Variants in CPT1A observed in about 807,000 individuals in gnomAD.
The protein encoded by CPT1A is carnitine O-palmitoyltransferase 1, liver isoform.
A neutral mutation model predicts 100.8 loss-of-function variants in CPT1A; 64 were observed. The observed-to-expected ratio is 0.63, with a 90% CI of 0.52 to 0.78. CPT1A has a LOEUF of 0.78. Among genes scored for constraint, CPT1A ranks in the 30% least tolerant of loss-of-function variants. The pLI is 0.00. For missense variants in CPT1A, 802 were observed against 1,034.1 expected, an observed-to-expected ratio of 0.78 and a Z score of 3.08; for synonymous variants, 363 against 396.0, an observed-to-expected ratio of 0.92 and a Z score of 0.99.
Position 68,775,363 on chromosome 11 carries a change from G to T in CPT1A, c.1528C>A (p.Pro510Thr), listed in dbSNP as rs1279443212. The change falls in exon 13 of 19, where the codon CCG becomes ACG. Residue 510 changes from proline to threonine, a missense_variant. This residue lies in a region of CPT1A where 627 missense variants were observed against 799.3 expected (regional missense o/e 0.78). Transcript: ENST00000265641. ...EDGHCKGDIN[P>T]NIPYPTRLQW... The stretch of plus-strand genomic sequence containing the variant: ...AGCCTGGTGGGGTACGGAATGTTCG[G>T]ATTGATGTCGCCTTTGCAGTGCCCA... 6.2e-7 allele frequency: 1 copy of T among 1,614,234 alleles called. No homozygotes were observed. The highest frequency in any genetic ancestry group is 1.7e-5 in the Admixed American group (1 of 60,020).
intron 9 of CPT1A, among the ~76,000 whole-genome samples, chr11:68,786,986 A>G (rs1407581163): frequency 1.3e-5 from 2 of 152,240 alleles, no homozygotes; most frequent in African/African-American, 2.4e-5. Context: ...GACTATGTAT[A>G]TTCCACATTA....
intron 14 of CPT1A, among the ~76,000 whole-genome samples, chr11:68,770,072 A>AG (rs1854945134): frequency 6.6e-6 from 1 of 150,590 alleles, no homozygotes; most frequent in East Asian, 2.0e-4. Flanking sequence ...AAAAAAAAAA[A>AG]CAGTGTGAAC....
chr11:68,794,470 G>A (rs1296507129), intron 8 of CPT1A, among the ~76,000 whole-genome samples: 3 of 152,170 alleles, frequency 2.0e-5, no homozygotes, highest in Non-Finnish European at 2.9e-5. Context: ...GAGTGCAATG[G>A]TGTTATCTTG....
chr11:68,835,155 G>C lies in CPT1A; in HGVS notation c.-14+6620C>G, dbSNP rs182195321. On this transcript the variant is annotated intron_variant, in intron 1 of 18. Transcript: ENST00000265641. Reference sequence around the variant, plus strand: ...TTATAAAGAAGATAGCCAACGTATTGACAGACCCAGTTATCTGACCTAGCT... The same window carrying C: ...TTATAAAGAAGATAGCCAACGTATTCACAGACCCAGTTATCTGACCTAGCT... Among the ~76,000 whole-genome samples the C allele has an allele frequency of 3.3e-5, 5 of 152,298 alleles. No individual in the cohort carries two copies. The East Asian group carries it at 9.6e-4, about 29-fold the overall frequency.
chr11:68,803,963 G>T, intron 5 of CPT1A, 37 bp downstream of exon 5: 1 of 1,489,772 alleles, frequency 6.7e-7, no homozygotes, highest in Non-Finnish European at 9.4e-7. Context: ...ATCCACAGAT[G>T]GCTGGCATTT....
intron 1 of CPT1A, among the ~76,000 whole-genome samples, chr11:68,824,074 C>A (rs1294700789): frequency 1.3e-5 from 2 of 151,810 alleles, no homozygotes; most frequent in African/African-American, 2.4e-5. Context: ...TGGTGAAACC[C>A]CATCTCTACT....
chr11:68,766,431 A>C (rs902389337), intron 14 of CPT1A, among the ~76,000 whole-genome samples: 3 of 152,166 alleles, frequency 2.0e-5, no homozygotes, highest in Non-Finnish European at 2.9e-5. Context: ...TTTTTGAATG[A>C]ATAAATCTGA....
intron 1 of CPT1A, among the ~76,000 whole-genome samples, chr11:68,822,906 T>C (rs923758568): frequency 1.3e-5 from 2 of 152,112 alleles, no homozygotes; most frequent in African/African-American, 4.8e-5. Context: ...GAAAGTACAC[T>C]AGTGGTTGCC....
chr11:68,764,525 G>C (rs1854727989), intron 14 of CPT1A, among the ~76,000 whole-genome samples: 1 of 152,050 alleles, frequency 6.6e-6, no homozygotes. Context: ...CTCAGCTGGG[G>C]AACGGGGAGC....
chr11:68,815,325 T>G lies in CPT1A; in HGVS notation c.141+9A>C. ...CATACTGTGTAGATTTCAACAAATC[T>G]CAGAAAACCTTGAATCTGATGAACT... On this transcript the variant is annotated intron_variant, in intron 2 of 18. Transcript: ENST00000265641. 6.2e-7 allele frequency: 1 copy of G among 1,612,762 alleles called. No homozygotes were observed. Among genetic ancestry groups the G allele is most frequent in the African/African-American group, 1.3e-5 (1 of 74,584 alleles).
intron 4 of CPT1A, 56 bp downstream of exon 4, chr11:68,807,408 CCTT>C: frequency 6.5e-7 from 1 of 1,548,886 alleles, no homozygotes; most frequent in Non-Finnish European, 8.8e-7. Context: ...GCAGGGGTGT[CCTT>C]CTTCCCAAAG....
chr11:68,822,574 G>C (rs1043947374), intron 1 of CPT1A, among the ~76,000 whole-genome samples: 2 of 151,530 alleles, frequency 1.3e-5, no homozygotes, highest in Non-Finnish European at 2.9e-5. Context: ...CTTACCATAC[G>C]ACCCAGCAAT....
In CPT1A at chr11:68,757,667, G is replaced by A. The variant is rs1445766162; in HGVS notation, c.2299C>T (p.Leu767Phe). Residue 767 changes from leucine (L) to phenylalanine (F), a missense_variant, in exon 19 of 19, where the codon CTC becomes TTC. Leu to Phe is a conservative substitution (Grantham distance 22). Around this residue, in one of 4 missense-constraint regions of CPT1A, gnomAD observed 627 missense variants for 799.3 expected, o/e 0.78. Coordinates refer to ENST00000265641, the MANE Select transcript of CPT1A (RefSeq NM_001876.4). Reference sequence around the variant, plus strand: ...AATTACTTTTTGGAATTAGAACTGAGACCAAACAAAGTGATGATGTCAGTC... The same window carrying A: ...AATTACTTTTTGGAATTAGAACTGAAACCAAACAAAGTGATGATGTCAGTC... ...AMTDIITLFG[L>F]SSNSKK is the part of the protein sequence containing the mutation. The A allele has an allele frequency of 1.2e-6, 2 of 1,614,062 alleles. No individual in the cohort carries two copies. Among genetic ancestry groups the A allele is most frequent in the East Asian group, 2.2e-5 (1 of 44,890 alleles).
chr11:68,782,403 T>C (rs1406208077), intron 10 of CPT1A, among the ~76,000 whole-genome samples: 1 of 152,164 alleles, frequency 6.6e-6, no homozygotes, highest in Admixed American at 6.5e-5. Context: ...TGTACCAACT[T>C]ACTGATCTTC....
intron 1 of CPT1A, among the ~76,000 whole-genome samples, chr11:68,831,181 C>A (rs186804607): frequency 6.6e-6 from 1 of 152,284 alleles, no homozygotes; most frequent in East Asian, 1.9e-4. Flanking sequence ...TCACCTCTTT[C>A]GAAGTCATTG....
intron 4 of CPT1A, among the ~76,000 whole-genome samples, chr11:68,805,958 GA>G (rs1328564090): frequency 2.6e-5 from 4 of 151,946 alleles, no homozygotes; most frequent in African/African-American, 9.7e-5. Flanking sequence ...CGGAGGCCTC[GA>G]AAGTCCAGAG....
chr11:68,780,531 G>T (rs908433804), intron 12 of CPT1A, 109 bp downstream of exon 12: 3 of 885,052 alleles, frequency 3.4e-6, no homozygotes, highest in African/African-American at 1.7e-5. Context: ...TGATCTGCCC[G>T]CCTCGGCCTC....
In CPT1A at chr11:68,799,051, C is replaced by T. The variant is rs150565058; in HGVS notation, c.693+167G>A. On this transcript the variant is annotated intron_variant, in intron 6 of 18. Coordinates refer to ENST00000265641, the MANE Select transcript of CPT1A (RefSeq NM_001876.4). The stretch of plus-strand genomic sequence containing the variant: ...CACTGTAACTACACGTCAGTCCTAA[C>T]ACACACACACTCCACTCTGCACAGA... Among the ~76,000 whole-genome samples, 111 of 152,234 alleles carry T rather than the reference C, an allele frequency of 7.3e-4. No individual in the cohort carries two copies. In the Middle Eastern group the frequency reaches 0.014, roughly 19 times the overall value.
In CPT1A at chr11:68,816,159, T is replaced by G. The variant is rs1856382565; in HGVS notation, c.-13-672A>C. 2.6e-5 allele frequency among the ~76,000 whole-genome samples: 4 copies of G among 152,106 alleles called. No homozygotes were observed. The South Asian group carries it at 8.3e-4, about 32-fold the overall frequency. On this transcript the variant is annotated intron_variant, in intron 1 of 18. Transcript: ENST00000265641. ...GGCTGGCATTAGAAGAGGCCCAGAG[T>G]GTCCACGCAGGAGTCCACGAAGGAG... is the stretch of plus-strand genomic sequence containing the variant.
Sources: allele counts gnomAD v4.1 joint callset (sites outside exome capture counted in the v4.1 genomes callset), GRCh38; gene constraint gnomAD v4.1.1; regional missense constraint gnomAD v4.1.1; transcripts MANE v1.5; gene names NCBI Gene and HGNC (gene_info 2026-07-23, HGNC 2026-07-21).